The following PTAR1 variants were observed in gnomAD, a reference collection of about 807,000 sequenced individuals.
PTAR1 encodes the protein protein prenyltransferase alpha subunit repeat containing 1, also known as protein prenyltransferase alpha subunit repeat-containing protein 1.
A neutral mutation model predicts 45.5 loss-of-function variants in PTAR1; 17 were observed. The ratio of observed to expected loss-of-function variants is 0.37; its 90% confidence interval spans 0.26 to 0.56. The LOEUF (loss-of-function observed/expected upper bound fraction) is 0.56, where lower values mean the gene tolerates loss of function less well. Among genes scored for constraint, PTAR1 ranks in the 20% least tolerant of loss-of-function variants. The pLI is 0.77. For missense variants in PTAR1, 391 were observed against 476.3 expected, an observed-to-expected ratio of 0.82 and a Z score of 1.67; for synonymous variants, 169 against 171.3, an observed-to-expected ratio of 0.99 and a Z score of 0.11.
In PTAR1 at chr9:69,710,587, T is replaced by C. The variant is rs941148890; in HGVS notation, c.*7755A>G. 2.0e-5 allele frequency: 3 copies of C among 152,150 alleles called. No homozygotes were observed. Among genetic ancestry groups the C allele is most frequent in the African/African-American group, 4.8e-5 (2 of 41,438 alleles). The allele number at this position is 152,150 out of a possible 1,614,324, so 9.4% of individuals were successfully genotyped here. A position where few individuals can be genotyped will look rare whatever the true frequency, so the allele number is the denominator to read the frequency against. On this transcript the variant is annotated 3_prime_UTR_variant, in exon 8 of 8. Transcript: ENST00000340434. The stretch of plus-strand genomic sequence containing the variant: ...TATAAATTATTGCAAAATTCATTCT[T>C]ATCTCTCTGAAAGATATGCATTTTA...
chr9:69,756,824 C>G lies in PTAR1; in HGVS notation c.86+3029G>C, dbSNP rs575853937. On this transcript the variant is annotated intron_variant, in intron 1 of 7. Transcript: ENST00000340434. ...TACTTTGGAGGGTTAATTTACTGTT[C>G]ATGCAGTTAGTCTTAGGTCTCATCT... is the stretch of plus-strand genomic sequence containing the variant. Among the ~76,000 whole-genome samples, 4 of 152,080 alleles carry G rather than the reference C, an allele frequency of 2.6e-5. No individual in the cohort carries two copies. The South Asian group carries it at 8.3e-4, about 32-fold the overall frequency.
chr9:69,745,725 A>T (rs1826246772), intron 2 of PTAR1, among the ~76,000 whole-genome samples: 1 of 152,200 alleles, frequency 6.6e-6, no homozygotes, highest in Admixed American at 6.5e-5. Flanking sequence ...CAAATCACTT[A>T]ATCTCTCTAG....
rs1471967405 is a variant in PTAR1, at chr9:69,716,186, AGAATCTGG to A, written c.*2148_*2155del. On this transcript the variant is annotated 3_prime_UTR_variant, in exon 8 of 8. Coordinates refer to ENST00000340434, the MANE Select transcript of PTAR1 (RefSeq NM_001099666.2). ...AAAAAAGGTAATACTGAGTTAGGCC[AGAATCTGG>A]CAACATATTTTAGTGGAATGGGCTG... 1 of 152,172 alleles carries A rather than the reference AGAATCTGG, an allele frequency of 6.6e-6. No individual in the cohort carries two copies. The highest frequency in any genetic ancestry group is 1.5e-5 in the Non-Finnish European group (1 of 68,022). 9.4% of individuals were successfully genotyped at this position (152,172 alleles called of 1,614,324 possible).
chr9:69,726,412 G>A (rs939722263), intron 5 of PTAR1, among the ~76,000 whole-genome samples: 27 of 152,036 alleles, frequency 1.8e-4, no homozygotes, highest in African/African-American at 6.5e-4. Flanking sequence ...AACCATTCCT[G>A]TGTTTGTTTC....
chr9:69,727,511 T>A (rs1825342247), intron 5 of PTAR1, among the ~76,000 whole-genome samples: 6 of 149,132 alleles, frequency 4.0e-5, no homozygotes, highest in Non-Finnish European at 3.0e-5. Context: ...TATTTAAGAT[T>A]AAAAAAAAAA....
Position 69,723,239 on chromosome 9 carries a change from G to A in PTAR1, c.947+87C>T, listed in dbSNP as rs1181915556. 6.3e-6 allele frequency: 7 copies of A among 1,114,944 alleles called. No homozygotes were observed. In the East Asian group the frequency reaches 1.4e-4, roughly 23 times the overall value. 69.1% of individuals were successfully genotyped at this position (1,114,944 alleles called of 1,614,324 possible). A position where few individuals can be genotyped will look rare whatever the true frequency, so the allele number is the denominator to read the frequency against. On this transcript the variant is annotated intron_variant, in intron 6 of 7. Transcript: ENST00000340434. ...TCAGATGACCATGTTTACCCAAGCAGGCAGGAATCAGGTGTAACTAACACT... is the reference window on the plus strand; with the variant it reads ...TCAGATGACCATGTTTACCCAAGCAAGCAGGAATCAGGTGTAACTAACACT...
At chr9:69,752,299 G>A (rs1228574681) in intron 1 of PTAR1, among the ~76,000 whole-genome samples, 1 of 151,970 alleles carries the variant, frequency 6.6e-6, no homozygotes, top group Non-Finnish European at 1.5e-5. Context: ...TTTTTGTTGG[G>A]CCACTATCAC....
chr9:69,722,426 T>A (rs769143210), intron 6 of PTAR1, among the ~76,000 whole-genome samples: 1 of 152,182 alleles, frequency 6.6e-6, no homozygotes, highest in Admixed American at 6.5e-5. Context: ...AGTTGATAGG[T>A]TGCTAACCCT....
Position 69,759,973 on chromosome 9 carries a change from C to T in PTAR1, c.-35G>A, listed in dbSNP as rs762633062. On this transcript the variant is annotated 5_prime_UTR_variant, in exon 1 of 8. Transcript: ENST00000340434. ...GGCCGCGACAGTTCGGGCGCGCCTCCGCGTGAGCCGGGCCGCCGGCGGGAG... is the reference window on the plus strand; with the variant it reads ...GGCCGCGACAGTTCGGGCGCGCCTCTGCGTGAGCCGGGCCGCCGGCGGGAG... 1.1e-5 allele frequency: 15 copies of T among 1,425,148 alleles called. No individual in the cohort carries two copies. The highest frequency in any genetic ancestry group is 2.7e-5 in the Admixed American group (1 of 37,726). 88.3% of individuals were successfully genotyped at this position (1,425,148 alleles called of 1,614,324 possible). A position where few individuals can be genotyped will look rare whatever the true frequency, so the allele number is the denominator to read the frequency against.
intron 6 of PTAR1, among the ~76,000 whole-genome samples, chr9:69,722,656 G>A (rs917196699): frequency 2.7e-5 from 4 of 150,494 alleles, no homozygotes; most frequent in African/African-American, 4.9e-5. Flanking sequence ...AAAAAAAAAA[G>A]GGCCAGGCAT....
At position 69,759,943 on chromosome 9, in the gene PTAR1, G is replaced by A. The variant is rs1186885013; in HGVS notation, c.-5C>T. ...CTCCTCGCTGGTCTCGGCCATGTTG[G>A]CGGCGGCCGCGACAGTTCGGGCGCG... On this transcript the variant is annotated 5_prime_UTR_variant, in exon 1 of 8. Transcript: ENST00000340434. The A allele has an allele frequency of 6.7e-7, 1 of 1,496,798 alleles. No homozygotes were observed. The highest frequency in any genetic ancestry group is 8.9e-7 in the Non-Finnish European group (1 of 1,121,992). 92.7% of individuals were successfully genotyped at this position (1,496,798 alleles called of 1,614,324 possible).
At chr9:69,719,692 A>G (rs1483621051) in intron 6 of PTAR1, among the ~76,000 whole-genome samples, 2 of 152,174 alleles carry the variant, frequency 1.3e-5, no homozygotes, top group Non-Finnish European at 2.9e-5. Flanking sequence ...TGTATTTTTT[A>G]TAAACTGAAG....
chr9:69,757,854 G>T (rs1475511328), intron 1 of PTAR1: 1 of 151,938 alleles, frequency 6.6e-6, no homozygotes, highest in African/African-American at 2.4e-5. Flanking sequence ...AAATTATAAG[G>T]CACTTACAAA....
In PTAR1 at chr9:69,718,319, C is replaced by T. The variant is rs377370044; in HGVS notation, c.*23G>A. ...AGCAATATTGCACTAAAAGGGGAAC[C>T]TTGTAGGACTAATTCACCTCTTTCA... On this transcript the variant is annotated 3_prime_UTR_variant, in exon 8 of 8. Coordinates refer to ENST00000340434, the MANE Select transcript of PTAR1 (RefSeq NM_001099666.2). 6 of 1,531,596 alleles carry T rather than the reference C, an allele frequency of 3.9e-6. No individual in the cohort carries two copies. The East Asian group carries it at 6.8e-5, about 17-fold the overall frequency. 94.9% of individuals were successfully genotyped at this position (1,531,596 alleles called of 1,614,324 possible).
chr9:69,759,423 A>G (rs919202347), intron 1 of PTAR1, among the ~76,000 whole-genome samples: 2 of 152,132 alleles, frequency 1.3e-5, no homozygotes, highest in Non-Finnish European at 2.9e-5. Flanking sequence ...CATTAAAAGT[A>G]AGAGGATCGG....
At chr9:69,744,308 G>A (rs1489469783) in intron 2 of PTAR1, among the ~76,000 whole-genome samples, 1 of 150,672 alleles carries the variant, frequency 6.6e-6, no homozygotes, top group Admixed American at 6.6e-5. Flanking sequence ...ATGTCTTCCC[G>A]TCTCCTAATA....
At position 69,718,177 on chromosome 9, in the gene PTAR1, T is replaced by C; in HGVS notation, c.*165A>G. On this transcript the variant is annotated 3_prime_UTR_variant, in exon 8 of 8. Coordinates refer to ENST00000340434, the MANE Select transcript of PTAR1 (RefSeq NM_001099666.2). ...ATTTTATCCCCACAGGAATGCCAGTTATTAACAAAATAAATAAAATGAAAG... is the reference window on the plus strand; with the variant it reads ...ATTTTATCCCCACAGGAATGCCAGTCATTAACAAAATAAATAAAATGAAAG... The C allele has an allele frequency of 1.9e-6, 1 of 530,882 alleles. No individual in the cohort carries two copies. Among genetic ancestry groups the C allele is most frequent in the Non-Finnish European group, 3.3e-6 (1 of 302,846 alleles). The allele number at this position is 530,882 out of a possible 1,614,324, so 32.9% of individuals were successfully genotyped here.
rs1438750520 is a variant in PTAR1 at position 69,718,562 on chromosome 9, G to A, written c.989C>T (p.Ser330Phe). ...TACTTCCATTGCTTGAGACAGCTGGGAGCCTGCTGGGATAAGGTGCAAGTC... is the reference window on the plus strand; with the variant it reads ...TACTTCCATTGCTTGAGACAGCTGGAAGCCTGCTGGGATAAGGTGCAAGTC... Reference protein sequence around the residue: ...FYLQHHLNAGSQLSQAMEVDG... With the variant: ...FYLQHHLNAGFQLSQAMEVDG... Residue 330 changes from serine to phenylalanine, a missense_variant, in exon 8 of 8, where the codon TCC becomes TTC. By Grantham distance (155) the Ser-to-Phe change is radical (BLOSUM62 -2). This residue lies in a region of PTAR1 where 181 missense variants were observed against 227.7 expected (regional missense o/e 0.80). Transcript: ENST00000340434. 1 of 1,613,648 alleles carries A rather than the reference G, an allele frequency of 6.2e-7. No individual in the cohort carries two copies.
intron 3 of PTAR1, among the ~76,000 whole-genome samples, chr9:69,738,991 A>T (rs955176764): frequency 6.6e-6 from 1 of 151,996 alleles, no homozygotes; most frequent in Non-Finnish European, 1.5e-5. Flanking sequence ...GTATTTTAGT[A>T]GAGATGGGGT....
Sources: allele counts gnomAD v4.1 joint callset (sites outside exome capture counted in the v4.1 genomes callset), GRCh38; gene constraint gnomAD v4.1.1; regional missense constraint gnomAD v4.1.1; transcripts MANE v1.5; gene names NCBI Gene and HGNC (gene_info 2026-07-23, HGNC 2026-07-21).